The following ENOX1 variants were observed in gnomAD, a reference collection of about 807,000 sequenced individuals.
ENOX1 encodes candidate growth-related and time keeping constitutive hydroquinone (NADH) oxidase.
A neutral mutation model predicts 82.5 loss-of-function variants in ENOX1; 42 were observed. That is an observed-to-expected ratio of 0.51 (90% confidence interval 0.40 to 0.66). The LOEUF is 0.66. Among genes scored for constraint, ENOX1 ranks in the 30% least tolerant of loss-of-function variants. ENOX1 has a pLI of 0.00. For synonymous variants in ENOX1, 271 were observed against 282.2 expected (o/e 0.96, Z 0.40); for missense variants, 608 against 811.6 (o/e 0.75, Z 3.05).
intron 2 of ENOX1, among the ~76,000 whole-genome samples, chr13:43,524,299 T>A (rs1341829020): frequency 6.6e-6 from 1 of 152,126 alleles, no homozygotes; most frequent in Non-Finnish European, 1.5e-5. Context: ...TCTAGGGGTC[T>A]TTTTGAGTCA....
At position 43,367,483 on chromosome 13, in the gene ENOX1, G is replaced by A. The variant is rs1440480223; in HGVS notation, c.209-6031C>T. 3.3e-5 allele frequency among the ~76,000 whole-genome samples: 5 copies of A among 152,098 alleles called. No homozygotes were observed. In the East Asian group the frequency reaches 9.6e-4, roughly 29 times the overall value. ...AAAGACACAGACACACAGGGAGAATGCAATATGATGACTGGAGAGATGCAC... is the reference window on the plus strand; with the variant it reads ...AAAGACACAGACACACAGGGAGAATACAATATGATGACTGGAGAGATGCAC... On this transcript the variant is annotated intron_variant, in intron 5 of 16. Transcript: ENST00000690772.
chr13:43,393,094 A>T (rs2052900035), intron 5 of ENOX1, among the ~76,000 whole-genome samples: 1 of 152,254 alleles, frequency 6.6e-6, no homozygotes, highest in Non-Finnish European at 1.5e-5. Flanking sequence ...ATAAAAAAGG[A>T]AGATGACCAA....
Position 43,390,159 on chromosome 13 carries a change from C to G in ENOX1, c.208+21757G>C, listed in dbSNP as rs148217895. Among the ~76,000 whole-genome samples, 35 of 152,200 alleles carry G rather than the reference C, an allele frequency of 2.3e-4. 1 individual carries two copies. The East Asian group carries it at 6.6e-3, about 29-fold the overall frequency. On this transcript the variant is annotated intron_variant, in intron 5 of 16. Transcript: ENST00000690772. ...AATCATTCTCATCATTTCTAAAAGC[C>G]AAGCAGCCTTCAGTCAGTTTCACAA...
intron 2 of ENOX1, among the ~76,000 whole-genome samples, chr13:43,610,415 G>A (rs1022736176): frequency 2.6e-5 from 4 of 152,116 alleles, no homozygotes; most frequent in African/African-American, 4.8e-5. Flanking sequence ...GCTGAGAAAG[G>A]CTAAAGGTTT....
chr13:43,502,750 C>G (rs576611994), intron 2 of ENOX1, among the ~76,000 whole-genome samples: 1 of 151,566 alleles, frequency 6.6e-6, no homozygotes, highest in Admixed American at 6.6e-5. Context: ...TGTATCATCA[C>G]ACTCAACGGT....
At chr13:43,659,666 G>A (rs1438225267) in intron 2 of ENOX1, among the ~76,000 whole-genome samples, 1 of 152,126 alleles carries the variant, frequency 6.6e-6, no homozygotes, top group Non-Finnish European at 1.5e-5. Context: ...GAAAGGTTGG[G>A]AGTGTGGTTG....
intron 3 of ENOX1, among the ~76,000 whole-genome samples, chr13:43,422,974 A>G (rs567837890): frequency 1.3e-5 from 2 of 152,302 alleles, no homozygotes; most frequent in East Asian, 3.9e-4. Context: ...TGATGCTACT[A>G]TGGTAATATG....
chr13:43,542,636 G>A (rs1231133525), intron 2 of ENOX1, among the ~76,000 whole-genome samples: 2 of 151,862 alleles, frequency 1.3e-5, no homozygotes, highest in African/African-American at 2.4e-5. Context: ...GGGTTTCACC[G>A]TGTTGCCCAG....
chr13:43,479,384 T>C (rs1422473511), intron 3 of ENOX1, among the ~76,000 whole-genome samples: 2 of 152,160 alleles, frequency 1.3e-5, no homozygotes, highest in African/African-American at 4.8e-5. Context: ...GATTTCAGAT[T>C]TTCTACCCTT....
intron 1 of ENOX1, among the ~76,000 whole-genome samples, chr13:43,710,665 TGAA>T (rs890713504): frequency 1.3e-5 from 2 of 151,984 alleles, no homozygotes; most frequent in African/African-American, 4.8e-5. Context: ...ACACAATCAA[TGAA>T]GAGAAATGTG....
At chr13:43,568,241 AT>A (rs1281375333) in intron 2 of ENOX1, among the ~76,000 whole-genome samples, 3 of 152,350 alleles carry the variant, frequency 2.0e-5, no homozygotes, top group Admixed American at 2.0e-4. Context: ...GAAAAGGCTA[AT>A]CCAGAAAACT....
intron 3 of ENOX1, among the ~76,000 whole-genome samples, chr13:43,444,052 T>G (rs922570104): frequency 4.6e-5 from 7 of 152,192 alleles, no homozygotes. Flanking sequence ...GTGAGAACGC[T>G]GCAGTAACTG....
At chr13:43,365,520 T>G (rs1566046241) in intron 5 of ENOX1, among the ~76,000 whole-genome samples, 1 of 152,174 alleles carries the variant, frequency 6.6e-6, no homozygotes, top group Non-Finnish European at 1.5e-5. Flanking sequence ...CAGAGGACTC[T>G]GTCTACAGGT....
intron 1 of ENOX1, among the ~76,000 whole-genome samples, chr13:43,784,698 A>G (rs1016976027): frequency 4.6e-5 from 7 of 152,242 alleles, no homozygotes; most frequent in African/African-American, 1.7e-4. Flanking sequence ...CAGTCATGCT[A>G]TGTTACTCTT....
intron 5 of ENOX1, among the ~76,000 whole-genome samples, chr13:43,408,604 C>A (rs1460777013): frequency 6.6e-6 from 1 of 152,164 alleles, no homozygotes; most frequent in Admixed American, 6.5e-5. Context: ...GCAGTGGCAT[C>A]CGTGGCTCTA....
At chr13:43,329,669 G>A (rs1255284890) in intron 9 of ENOX1, among the ~76,000 whole-genome samples, 5 of 152,076 alleles carry the variant, frequency 3.3e-5, no homozygotes, top group African/African-American at 1.2e-4. Flanking sequence ...AACTAAGTGG[G>A]ATTTAATTTT....
At chr13:43,460,906 G>A (rs1183553994) in intron 3 of ENOX1, among the ~76,000 whole-genome samples, 2 of 149,656 alleles carry the variant, frequency 1.3e-5, no homozygotes, top group East Asian at 2.0e-4. Flanking sequence ...GATATGGCAC[G>A]GAAACCTGCA....
chr13:43,478,984 C>T (rs934626633), intron 3 of ENOX1, among the ~76,000 whole-genome samples: 1 of 152,184 alleles, frequency 6.6e-6, no homozygotes, highest in Non-Finnish European at 1.5e-5. Context: ...AGAAACTCCC[C>T]AAAGGTCAAT....
intron 5 of ENOX1, among the ~76,000 whole-genome samples, chr13:43,362,413 C>G (rs922982593): frequency 6.6e-6 from 1 of 152,070 alleles, no homozygotes; most frequent in Non-Finnish European, 1.5e-5. Context: ...TGAAAATGTT[C>G]CCAGATAGAC....
Sources: gnomAD v4.1 joint callset for allele counts (sites outside exome capture counted in the v4.1 genomes callset) on GRCh38, gnomAD v4.1.1 for gene constraint, MANE v1.5 for transcripts, NCBI Gene and HGNC (gene_info 2026-07-23, HGNC 2026-07-21) for gene names.